Variants in TFRC observed in about 807,000 individuals in gnomAD.
TFRC encodes the protein transferrin receptor protein 1.
TFRC carries 35 observed loss-of-function variants against 85.8 expected under a neutral mutation model. The observed-to-expected ratio is 0.41, with a 90% CI of 0.31 to 0.54. TFRC has a LOEUF of 0.54. TFRC is among the 20% of genes least tolerant of loss of function. The pLI, the probability that TFRC is intolerant of heterozygous loss-of-function variation, is 0.31. For synonymous variants in TFRC, 362 were observed against 328.6 expected (o/e 1.10, Z -1.10); for missense variants, 828 against 921.5 (o/e 0.90, Z 1.31).
Position 196,063,150 on chromosome 3 carries a change from TA to T in TFRC, c.1319-212del, listed in dbSNP as rs111479119. The T allele has an allele frequency of 1.1e-3, 530 of 502,316 alleles. 4 individuals carry two copies. Among genetic ancestry groups the T allele is most frequent in the South Asian group, 6.9e-3 (288 of 41,584 alleles). The allele number at this position is 502,316 out of a possible 1,614,324, so 31.1% of individuals were successfully genotyped here. On this transcript the variant is annotated intron_variant, in intron 11 of 18. Transcript: ENST00000360110. ...ATAAAAGAATAGGAATAATTTTTTT[TA>T]AAGTAACCTACAAAGAGCAAGATAG...
chr3:196,070,058 A>C (rs1238312934), intron 6 of TFRC, among the ~76,000 whole-genome samples: 1 of 152,222 alleles, frequency 6.6e-6, no homozygotes, highest in Non-Finnish European at 1.5e-5. Context: ...TGACACTAAC[A>C]ACCAAGCCCT....
chr3:196,052,479 T>G (rs950826816), intron 18 of TFRC, among the ~76,000 whole-genome samples: 6 of 151,944 alleles, frequency 3.9e-5, no homozygotes, highest in African/African-American at 1.4e-4. Flanking sequence ...TCGCTCTTGT[T>G]GCCCAGGCTG....
chr3:196,075,972 C>CAA (rs11373736), intron 2 of TFRC, among the ~76,000 whole-genome samples: 35 of 135,304 alleles, frequency 2.6e-4, no homozygotes, highest in Non-Finnish European at 3.2e-4. Flanking sequence ...ACTAAAAATT[C>CAA]AAAAAAAAAA....
At chr3:196,074,645 C>A (rs1718502859) in intron 3 of TFRC, among the ~76,000 whole-genome samples, 1 of 152,048 alleles carries the variant, frequency 6.6e-6, no homozygotes, top group Admixed American at 6.6e-5. Context: ...CTCTGGGAGG[C>A]TGAGGCGGGC....
intron 18 of TFRC, among the ~76,000 whole-genome samples, chr3:196,053,050 G>A (rs889757209): frequency 2.0e-5 from 3 of 151,930 alleles, no homozygotes; most frequent in Non-Finnish European, 4.4e-5. Flanking sequence ...GGAGGTGGAG[G>A]GTGCAGTGAG....
Position 196,064,635 on chromosome 3 carries a change from A to G in TFRC, c.1199-207T>C, listed in dbSNP as rs2272622. Reference sequence around the variant, plus strand: ...TTACTAGTAGAGCTACTTTTTTCCTACACTACTAATTAAATTTACTGACTA... The same window carrying G: ...TTACTAGTAGAGCTACTTTTTTCCTGCACTACTAATTAAATTTACTGACTA... On this transcript the variant is annotated intron_variant, in intron 10 of 18. Coordinates refer to ENST00000360110, the MANE Select transcript of TFRC (RefSeq NM_001128148.3). Among the ~76,000 whole-genome samples the G allele has an allele frequency of 0.035, 5,366 of 152,278 alleles. 125 individuals are homozygous for G. The highest frequency in any genetic ancestry group is 0.1 in the South Asian group (480 of 4,822).
rs778272479 is a variant in TFRC at position 196,077,140 on chromosome 3, GAAT to G, written c.-23-21_-23-19del. Reference sequence around the variant, plus strand: ...AGAAGAACCTAGGTATCAGAATAGAGAATTATTGAGAAAGATACTACTGTATCA... The same window carrying G: ...AGAAGAACCTAGGTATCAGAATAGAGTATTGAGAAAGATACTACTGTATCA... On this transcript the variant is annotated intron_variant, in intron 1 of 18. Transcript: ENST00000360110. 4 of 1,584,720 alleles carry G rather than the reference GAAT, an allele frequency of 2.5e-6. No individual in the cohort carries two copies. Among genetic ancestry groups the G allele is most frequent in the Non-Finnish European group, 3.5e-6 (4 of 1,154,808 alleles).
rs1183729565 is a variant in TFRC, at chr3:196,055,099, T to C, written c.1880A>G (p.Gln627Arg). 1.9e-6 allele frequency: 3 copies of C among 1,614,074 alleles called. No homozygotes were observed. The highest frequency in any genetic ancestry group is 2.2e-5 in the East Asian group (1 of 44,902). The part of the protein sequence containing the change: ...QLLSFVRDLN[Q>R]YRADIKEMGL... ...GCTCACCTTTATGTCTGCTCTGTAT[T>C]GGTTCAGATCCCTCACAAATGAAAG... Residue 627 changes from glutamine to arginine, a missense_variant, in exon 17 of 19, where the codon CAA becomes CGA. Physicochemically the swap from Gln to Arg is conservative, Grantham distance 43. Transcript: ENST00000360110.
At position 196,071,513 on chromosome 3, in the gene TFRC, A is replaced by T. The variant is rs1291603792; in HGVS notation, c.585-15T>A. 5 of 1,610,348 alleles carry T rather than the reference A, an allele frequency of 3.1e-6. No individual in the cohort carries two copies. The highest frequency in any genetic ancestry group is 4.2e-6 in the Non-Finnish European group (5 of 1,176,812). ...AGTTTTGAGCGCTGTTAAAAAGATTAAGTTAAAATAAGCCTAAGGTCATCC... is the reference window on the plus strand; with the variant it reads ...AGTTTTGAGCGCTGTTAAAAAGATTTAGTTAAAATAAGCCTAAGGTCATCC... On this transcript the variant is annotated splice_polypyrimidine_tract_variant and intron_variant, in intron 5 of 18. Transcript: ENST00000360110.
In TFRC at chr3:196,053,497, G is replaced by C. The variant is rs1577214546; in HGVS notation, c.1961C>G (p.Ser654Cys). 1 of 1,614,168 alleles carries C rather than the reference G, an allele frequency of 6.2e-7. No individual in the cohort carries two copies. The highest frequency in any genetic ancestry group is 1.1e-5 in the South Asian group (1 of 91,086). ...ATTCCCGAAATCTGTTGTTAGTCTG[G>C]AAGTAGCACGGAAGAAGTCTCCACG... The part of the protein sequence containing the change: ...SARGDFFRAT[S>C]RLTTDFGNAE... The change falls in exon 18 of 19, where the codon TCC becomes TGC. Residue 654 changes from serine to cysteine, a missense_variant. Transcript: ENST00000360110.
intron 7 of TFRC, 80 bp from the exon 8 acceptor site, chr3:196,068,210 G>C: frequency 1.0e-6 from 1 of 972,712 alleles, no homozygotes; most frequent in South Asian, 1.5e-5. Context: ...TTATGCTAAA[G>C]GCCAAATGGT....
rs1027497110 is a variant in TFRC at position 196,052,150 on chromosome 3, G to A, written c.2075C>T (p.Pro692Leu). The change falls in exon 19 of 19, where the codon CCA (proline) becomes CTA (leucine). Residue 692 changes from proline to leucine, a missense_variant. Physicochemically the swap from Pro to Leu is moderately conservative, Grantham distance 98 (BLOSUM62 -3). Coordinates refer to ENST00000360110, the MANE Select transcript of TFRC (RefSeq NM_001128148.3). ...GACATGTCGGAAAGGAGACTCTTTT[G>A]GAGATACGTAGGGAGAGAGGAAGTG... is the stretch of plus-strand genomic sequence containing the variant. ...EYHFLSPYVS[P>L]KESPFRHVFW... The A allele has an allele frequency of 2.5e-6, 4 of 1,613,958 alleles. No individual in the cohort carries two copies. The African/African-American group carries it at 4.0e-5, about 16-fold the overall frequency.
At position 196,065,435 on chromosome 3, in the gene TFRC, G is replaced by GGGGGGGGGGGTT; in HGVS notation, c.1198+7_1198+8insAACCCCCCCCCC. The GGGGGGGGGGGTT allele has an allele frequency of 1.5e-6, 1 of 655,718 alleles. No individual in the cohort carries two copies. Among genetic ancestry groups the GGGGGGGGGGGTT allele is most frequent in the Non-Finnish European group, 2.2e-6 (1 of 463,142 alleles). The allele number at this position is 655,718 out of a possible 1,614,324, so 40.6% of individuals were successfully genotyped here. ...AGCGGGGCGGGGGGGGGGGGGGGCG[G>GGGGGGGGGGGTT]TCTTTACCTGGTTCTACAAAGCCTT... On this transcript the variant is annotated splice_region_variant and intron_variant, in intron 10 of 18. Coordinates refer to ENST00000360110, the MANE Select transcript of TFRC (RefSeq NM_001128148.3).
In TFRC at chr3:196,069,242, G is replaced by A. The variant is rs41303535; in HGVS notation, c.801+213C>T. On this transcript the variant is annotated intron_variant, in intron 7 of 18. Transcript: ENST00000360110. ...GAATTCTGTATATGCGTAAAACTGA[G>A]TTATACAGAGAAATAGCTTTCACTT... Among the ~76,000 whole-genome samples the A allele has an allele frequency of 4.6e-5, 7 of 152,264 alleles. No individual in the cohort carries two copies. In the South Asian group the frequency reaches 1.4e-3, roughly 32 times the overall value.
At chr3:196,053,352 G>C (rs1453387058) in intron 18 of TFRC, 66 bp downstream of exon 18, 2 of 1,571,332 alleles carry the variant, frequency 1.3e-6, no homozygotes, top group African/African-American at 1.3e-5. Context: ...CCACTTTGCA[G>C]AAGTGTAAGA....
intron 4 of TFRC, 67 bp from the exon 5 acceptor site, chr3:196,072,219 T>G: frequency 6.4e-7 from 1 of 1,574,000 alleles, no homozygotes; most frequent in Non-Finnish European, 8.6e-7. Context: ...AGTCAAGGAT[T>G]AAACAAATTG....
chr3:196,081,931 C>T (rs1433464352), intron 1 of TFRC, 112 bp downstream of exon 1: 1 of 152,472 alleles, frequency 6.6e-6, no homozygotes, highest in African/African-American at 2.4e-5. Context: ...TTTCCCGCTC[C>T]CCGTGCGGCT....
At chr3:196,067,890 G>A (rs1717867040) in intron 8 of TFRC, 142 bp downstream of exon 8, 1 of 756,208 alleles carries the variant, frequency 1.3e-6, no homozygotes, top group African/African-American at 1.8e-5. Context: ...CAAAGTCAAT[G>A]TAATCTATCT....
intron 3 of TFRC, among the ~76,000 whole-genome samples, chr3:196,074,847 C>G (rs1577251679): frequency 6.8e-6 from 1 of 147,964 alleles, no homozygotes; most frequent in Non-Finnish European, 1.5e-5. Context: ...CCACTGCACT[C>G]CAGCCTGAGC....
Sources: allele counts gnomAD v4.1 joint callset (sites outside exome capture counted in the v4.1 genomes callset), GRCh38; gene constraint gnomAD v4.1.1; transcripts MANE v1.5; gene names NCBI Gene and HGNC (gene_info 2026-07-23, HGNC 2026-07-21).